Variants in AK6 observed in about 807,000 individuals in gnomAD.
The protein encoded by AK6 is adenylate kinase isoenzyme 6.
In AK6, 24 loss-of-function variants were observed where a neutral mutation model predicts 23.7. That is an observed-to-expected ratio of 1.01 (90% CI 0.73 to 1.43). AK6 has a LOEUF of 1.43. Ranked by LOEUF, AK6 falls within the 40% of genes most tolerant of loss-of-function variation. AK6 has a pLI of 0.00. For missense variants in AK6, 191 were observed against 199.1 expected (o/e 0.96, Z 0.24); for synonymous variants, 73 against 69.8 (o/e 1.05, Z -0.23).
chr5:69,368,648 TTAC>T (rs1762636461), intron 1 of AK6, among the ~76,000 whole-genome samples: 1 of 152,236 alleles, frequency 6.6e-6, no homozygotes, highest in Non-Finnish European at 1.5e-5. Context: ...TGATGTAACT[TTAC>T]TGTTCCCACA....
chr5:69,362,795 G>C (rs1251667255), intron 2 of AK6, among the ~76,000 whole-genome samples: 1 of 152,056 alleles, frequency 6.6e-6, no homozygotes, highest in African/African-American at 2.4e-5. Flanking sequence ...CAAACTCCAT[G>C]TCAAGTCAGA....
At chr5:69,367,584 T>C (rs1459277166) in intron 1 of AK6, among the ~76,000 whole-genome samples, 2 of 151,784 alleles carry the variant, frequency 1.3e-5, no homozygotes, top group Non-Finnish European at 2.9e-5. Context: ...AAAGACAAGA[T>C]ATCTCTTTGT....
In AK6 at chr5:69,355,712, C is replaced by G. The variant is rs765425870; in HGVS notation, c.263G>C (p.Trp88Ser). 1 of 1,613,870 alleles carries G rather than the reference C, an allele frequency of 6.2e-7. No homozygotes were observed. The highest frequency in any genetic ancestry group is 2.2e-5 in the East Asian group (1 of 44,852). Residue 88 changes from tryptophan (W) to serine (S), a missense_variant, in exon 4 of 5, where the codon TGG (tryptophan) becomes TCG (serine). Trp to Ser is a radical substitution (Grantham distance 177). Transcript: ENST00000380822. ...TCTCAGCACAAAAACTATATGAAAC[C>G]AGCGTTCAGGGAAGAAATCACAACC... ...YHGCDFFPER[W>S]FHIVFVLRTD...
intron 2 of AK6, among the ~76,000 whole-genome samples, chr5:69,362,846 T>A (rs1041434950): frequency 6.6e-6 from 1 of 152,088 alleles, no homozygotes; most frequent in Non-Finnish European, 1.5e-5. Context: ...GGGGAAAAAA[T>A]ACTTTTCCTT....
intron 4 of AK6, 97 bp from the exon 5 acceptor site, chr5:69,352,350 G>T: frequency 1.1e-6 from 1 of 922,738 alleles, no homozygotes; most frequent in Non-Finnish European, 1.6e-6. Flanking sequence ...TTCAATACGT[G>T]AAAAATTACA....
intron 2 of AK6, among the ~76,000 whole-genome samples, chr5:69,361,778 G>C (rs1383599420): frequency 6.6e-6 from 1 of 151,676 alleles, no homozygotes; most frequent in African/African-American, 2.4e-5. Flanking sequence ...CTACTTTTTT[G>C]TATTTTTAGT....
At chr5:69,363,947 G>C (rs549469213) in intron 2 of AK6, among the ~76,000 whole-genome samples, 2 of 152,012 alleles carry the variant, frequency 1.3e-5, no homozygotes, top group South Asian at 4.1e-4. Flanking sequence ...AATTAGCCAG[G>C]TGTGGTGGTG....
chr5:69,368,218 G>T (rs967457479), intron 1 of AK6, among the ~76,000 whole-genome samples: 1 of 152,032 alleles, frequency 6.6e-6, no homozygotes, highest in Admixed American at 6.5e-5. Context: ...TTACATAAAT[G>T]ACAATACTAT....
intron 4 of AK6, 38 bp from the exon 5 acceptor site, chr5:69,352,291 T>G (rs747827141): frequency 3.9e-6 from 6 of 1,522,148 alleles, no homozygotes; most frequent in Non-Finnish European, 5.4e-6. Flanking sequence ...AGAAGCAAAA[T>G]AAATGGCATT....
chr5:69,352,478 C>G (rs896720109), intron 4 of AK6, among the ~76,000 whole-genome samples: 9 of 151,662 alleles, frequency 5.9e-5, no homozygotes, highest in African/African-American at 2.2e-4. Context: ...TTGAATTTCC[C>G]CCCCCCACAA....
At chr5:69,368,960 C>T (rs1762678478) in intron 1 of AK6, 1 of 157,284 alleles carries the variant, frequency 6.4e-6, no homozygotes, top group Admixed American at 6.5e-5. Flanking sequence ...ACGTCACAAA[C>T]ATCTGAACTC....
intron 2 of AK6, among the ~76,000 whole-genome samples, chr5:69,363,258 G>C (rs552298797): frequency 4.6e-5 from 7 of 152,166 alleles, no homozygotes; most frequent in Non-Finnish European, 1.0e-4. Flanking sequence ...GTACTGGTAG[G>C]AGAGGACCCA....
chr5:69,359,915 G>A (rs1284238680), intron 2 of AK6, among the ~76,000 whole-genome samples: 1 of 152,204 alleles, frequency 6.6e-6, no homozygotes, highest in Admixed American at 6.5e-5. Flanking sequence ...AGTGAAGTTA[G>A]ACAGCCAAAG....
chr5:69,353,183 C>A (rs1220425262), intron 4 of AK6, among the ~76,000 whole-genome samples: 2 of 151,962 alleles, frequency 1.3e-5, no homozygotes, highest in African/African-American at 4.8e-5. Context: ...TATGAAATAT[C>A]TAGTATAGAC....
At chr5:69,365,866 AT>A (rs1762400263) in intron 2 of AK6, 1 of 731,032 alleles carries the variant, frequency 1.4e-6, no homozygotes, top group Non-Finnish European at 2.0e-6. Flanking sequence ...CTGTAAAAAA[AT>A]TTTTAAAATT....
rs1163925967 is a variant in AK6 at position 69,369,469 on chromosome 5, G to A, written c.22C>T (p.Leu8Phe). ...CCCGGCCGCGCGCCCTGACCGGTGA[G>A]CAGGATGTTCGGAAGCAACATGGTC... The part of the protein sequence containing the change: MLLPNIL[L>F]TGTPGVGKTT... The change falls in exon 1 of 5, where the codon CTC (leucine) becomes TTC (phenylalanine). Residue 8 changes from leucine to phenylalanine, a missense_variant. Transcript: ENST00000380822. The A allele has an allele frequency of 6.2e-7, 1 of 1,611,268 alleles. No individual in the cohort carries two copies. Among genetic ancestry groups the A allele is most frequent in the Non-Finnish European group, 8.5e-7 (1 of 1,179,324 alleles).
upstream of AK6, chr5:69,369,785 G>T (rs1204138522): frequency 1.6e-5 from 23 of 1,398,158 alleles, no homozygotes; most frequent in Non-Finnish European, 2.3e-5. Context: ...CCCTTCGCTT[G>T]CGCCGACCAG....
intron 4 of AK6, among the ~76,000 whole-genome samples, chr5:69,353,367 G>A (rs1009169981): frequency 4.6e-5 from 7 of 150,658 alleles, no homozygotes; most frequent in African/African-American, 9.8e-5. Context: ...GTGTGATCTC[G>A]GCTCACTGCA....
chr5:69,364,359 T>A (rs575035424), intron 2 of AK6, among the ~76,000 whole-genome samples: 9 of 152,018 alleles, frequency 5.9e-5, no homozygotes, highest in South Asian at 2.1e-4. Context: ...AATTTTTTTT[T>A]AAAAAGTGGA....
Sources: allele counts gnomAD v4.1 joint callset (sites outside exome capture counted in the v4.1 genomes callset), GRCh38; gene constraint gnomAD v4.1.1; transcripts MANE v1.5; gene names NCBI Gene and HGNC (gene_info 2026-07-23, HGNC 2026-07-21).